The following LARP1B variants were observed in gnomAD, a reference collection of about 807,000 sequenced individuals.
LARP1B encodes la-related protein 1B.
In LARP1B, 76 loss-of-function variants were observed where a neutral mutation model predicts 114.2. The observed-to-expected ratio is 0.67, with a 90% CI of 0.55 to 0.81. The LOEUF (loss-of-function observed/expected upper bound fraction) is 0.81, where lower values mean the gene tolerates loss of function less well. Among genes scored for constraint, LARP1B ranks in the 30% least tolerant of loss-of-function variants. The probability of loss-of-function intolerance (pLI) is 0.00; values close to 1 mark genes in which losing one functional copy is unlikely to be tolerated. For missense variants in LARP1B, 1,014 were observed against 1,075.8 expected (o/e 0.94, Z 0.80); for synonymous variants, 345 against 348.0 (o/e 0.99, Z 0.10).
chr4:128,097,747 CCA>C (rs1778594565), intron 7 of LARP1B, among the ~76,000 whole-genome samples: 1 of 152,106 alleles, frequency 6.6e-6, no homozygotes. Flanking sequence ...TTCCAGTATA[CCA>C]CTCTTCTCAG....
intron 15 of LARP1B, 90 bp from the exon 16 acceptor site, chr4:128,199,349 C>T: frequency 9.8e-7 from 1 of 1,019,594 alleles, no homozygotes. Context: ...CTGCTTAGAC[C>T]CCCAATAATG....
At chr4:128,173,609 C>T (rs890257646) in intron 12 of LARP1B, among the ~76,000 whole-genome samples, 1 of 151,938 alleles carries the variant, frequency 6.6e-6, no homozygotes, top group African/African-American at 2.4e-5. Flanking sequence ...GTTAGCACAC[C>T]CCTTCAGTGG....
chr4:128,123,628 G>A, intron 11 of LARP1B: 3 of 517,640 alleles, frequency 5.8e-6, no homozygotes, highest in Non-Finnish European at 7.4e-6. Context: ...TATTTCTAGT[G>A]TTAGAATAGT....
At chr4:128,163,095 CT>C (rs548786062) in intron 12 of LARP1B, among the ~76,000 whole-genome samples, 5 of 151,390 alleles carry the variant, frequency 3.3e-5, no homozygotes, top group Admixed American at 6.6e-5. Flanking sequence ...TCATTCATCA[CT>C]TTTTTTTTCC....
intron 12 of LARP1B, among the ~76,000 whole-genome samples, chr4:128,167,235 T>A (rs1005283798): frequency 1.1e-4 from 17 of 152,032 alleles, no homozygotes; most frequent in African/African-American, 2.9e-4. Flanking sequence ...ATATATAAGG[T>A]GTACCCAGAA....
Position 128,077,464 on chromosome 4 carries a change from G to A in LARP1B, c.43-324G>A, listed in dbSNP as rs189541405. On this transcript the variant is annotated intron_variant, in intron 3 of 19. Transcript: ENST00000326639. ...TGCAGTGAGCCGAGATCGTGCCACT[G>A]CACTCCAGCCTGGGCAACAAAGTGA... is the stretch of plus-strand genomic sequence containing the variant. 2.7e-3 allele frequency among the ~76,000 whole-genome samples: 405 copies of A among 152,028 alleles called. 4 individuals are homozygous for A. Among genetic ancestry groups the A allele is most frequent in the Middle Eastern group, 0.01 (3 of 294 alleles).
At chr4:128,143,014 C>T (rs1014008519) in intron 11 of LARP1B, among the ~76,000 whole-genome samples, 9 of 151,674 alleles carry the variant, frequency 5.9e-5, no homozygotes, top group Admixed American at 1.3e-4. Flanking sequence ...AGGCCAGGCA[C>T]GGTGGCTCAC....
rs535886767 is a variant in LARP1B, at chr4:128,201,749, A to C, written c.2309+1084A>C. ...TGCCTGTAGGGCTGAGTGAGGGCAGACAAAGAGGGTAAGAAGGAACATGGC... is the reference window on the plus strand; with the variant it reads ...TGCCTGTAGGGCTGAGTGAGGGCAGCCAAAGAGGGTAAGAAGGAACATGGC... On this transcript the variant is annotated intron_variant, in intron 17 of 19. Transcript: ENST00000326639. 1.9e-3 allele frequency among the ~76,000 whole-genome samples: 283 copies of C among 152,332 alleles called. 1 individual carries two copies. The highest frequency in any genetic ancestry group is 6.5e-3 in the African/African-American group (269 of 41,572).
At chr4:128,098,937 C>T (rs1176212678) in intron 8 of LARP1B, among the ~76,000 whole-genome samples, 1 of 149,974 alleles carries the variant, frequency 6.7e-6, no homozygotes, top group African/African-American at 2.5e-5. Context: ...ACCATCATGC[C>T]CGGCTAATTT....
intron 7 of LARP1B, among the ~76,000 whole-genome samples, chr4:128,092,331 A>G (rs953223020): frequency 2.6e-5 from 4 of 152,138 alleles, no homozygotes; most frequent in African/African-American, 9.7e-5. Context: ...GGACTACCTT[A>G]TATTTTAGTT....
chr4:128,120,495 C>CTG (rs1180302512), intron 10 of LARP1B, among the ~76,000 whole-genome samples: 7 of 149,082 alleles, frequency 4.7e-5, no homozygotes, highest in Non-Finnish European at 1.0e-4. Context: ...GTCACCCAGG[C>CTG]TGGAGTACAG....
intron 12 of LARP1B, among the ~76,000 whole-genome samples, chr4:128,167,678 G>A (rs1018248327): frequency 1.3e-5 from 2 of 151,958 alleles, no homozygotes; most frequent in African/African-American, 2.4e-5. Context: ...CACCATTTAT[G>A]TATATTATTT....
At chr4:128,106,130 TCTC>T (rs147242056) in intron 8 of LARP1B, among the ~76,000 whole-genome samples, 2,647 of 152,038 alleles carry the variant, frequency 0.017, 63 homozygotes, top group East Asian at 0.1. Flanking sequence ...TTCAAGTGAT[TCTC>T]CTGCCTCTGC....
At chr4:128,098,576 A>T (rs946544368) in intron 8 of LARP1B, among the ~76,000 whole-genome samples, 1 of 150,614 alleles carries the variant, frequency 6.6e-6, no homozygotes, top group Non-Finnish European at 1.5e-5. Context: ...TAGTCAACCT[A>T]TTTTAAACCT....
intron 5 of LARP1B, among the ~76,000 whole-genome samples, chr4:128,089,325 G>T (rs1774923532): frequency 6.6e-6 from 1 of 152,080 alleles, no homozygotes; most frequent in South Asian, 2.1e-4. Flanking sequence ...AACCTCATTA[G>T]CAATATATGA....
At chr4:128,178,987 G>C (rs1447461395) in intron 14 of LARP1B, among the ~76,000 whole-genome samples, 2 of 152,172 alleles carry the variant, frequency 1.3e-5, no homozygotes, top group African/African-American at 4.8e-5. Context: ...AGCTACTTGG[G>C]AGGCTGAGGT....
At chr4:128,159,818 A>G (rs1462262984) in intron 11 of LARP1B, among the ~76,000 whole-genome samples, 2 of 152,212 alleles carry the variant, frequency 1.3e-5, no homozygotes, top group Non-Finnish European at 2.9e-5. Context: ...CTAAGGCTAA[A>G]TAGAAACCTA....
chr4:128,153,380 G>A (rs559801717), intron 11 of LARP1B, among the ~76,000 whole-genome samples: 1 of 150,360 alleles, frequency 6.7e-6, no homozygotes, highest in Non-Finnish European at 1.5e-5. Flanking sequence ...GCAGTGGCGC[G>A]ATCTTGGCTC....
At position 128,080,080 on chromosome 4, in the gene LARP1B, G is replaced by C. The variant is rs191920241; in HGVS notation, c.218-2085G>C. 3.0e-3 allele frequency among the ~76,000 whole-genome samples: 460 copies of C among 151,762 alleles called. 4 individuals carry two copies. Among genetic ancestry groups the C allele is most frequent in the African/African-American group, 0.011 (442 of 41,378 alleles). On this transcript the variant is annotated intron_variant, in intron 4 of 19. Coordinates refer to ENST00000326639, the MANE Select transcript of LARP1B (RefSeq NM_018078.4). ...GCTCACTGCAACCTCTGCCTCCTGG[G>C]TTGAAGCGATTCTCCTGCCTCAGCC... is the stretch of plus-strand genomic sequence containing the variant.
Sources: gnomAD v4.1 joint callset for allele counts (sites outside exome capture counted in the v4.1 genomes callset) on GRCh38, gnomAD v4.1.1 for gene constraint, MANE v1.5 for transcripts, NCBI Gene and HGNC (gene_info 2026-07-23, HGNC 2026-07-21) for gene names.